ACOT11: variants seen among roughly 807,000 people sequenced by gnomAD.
ACOT11 encodes acyl-coenzyme A thioesterase 11.
A neutral mutation model predicts 77.5 loss-of-function variants in ACOT11; 69 were observed. The observed-to-expected ratio is 0.89, with a 90% CI of 0.73 to 1.09. The LOEUF is 1.09. Ranked by LOEUF, ACOT11 falls within the 50% of genes least tolerant of loss-of-function variation. ACOT11 has a pLI of 0.00. For synonymous variants in ACOT11, 279 were observed against 313.0 expected, an observed-to-expected ratio of 0.89 and a Z score of 1.15; for missense variants, 766 against 813.7, an observed-to-expected ratio of 0.94 and a Z score of 0.71.
chr1:54,636,475 A>G (rs1644331105), exon 17 of ACOT11: 1 of 152,268 alleles, frequency 6.6e-6, no homozygotes, highest in Non-Finnish European at 1.5e-5. Flanking sequence ...CCCGCATGTC[A>G]TACCTACAGC....
chr1:54,601,556 G>A (rs1569753719), intron 9 of ACOT11, 143 bp downstream of exon 9: 1 of 1,300,570 alleles, frequency 7.7e-7, no homozygotes, highest in Middle Eastern at 2.7e-4. Context: ...AGCCAGCTGA[G>A]TGTCCTGGCT....
intron 6 of ACOT11, among the ~76,000 whole-genome samples, chr1:54,595,373 A>G (rs145354531): frequency 1.1e-4 from 17 of 152,280 alleles, no homozygotes; most frequent in Middle Eastern, 3.4e-3. Flanking sequence ...TATATAGCAT[A>G]TATAAAACAT....
downstream of ACOT11, among the ~76,000 whole-genome samples, chr1:54,611,956 G>A (rs1198999578): frequency 6.6e-6 from 1 of 152,126 alleles, no homozygotes; most frequent in African/African-American, 2.4e-5. Context: ...AGGCCCAGGA[G>A]GGAGGGGGAG....
intron 1 of ACOT11, among the ~76,000 whole-genome samples, chr1:54,551,141 A>G (rs530401034): frequency 1.5e-3 from 230 of 151,620 alleles, no homozygotes; most frequent in Non-Finnish European, 2.8e-3. Context: ...AAAAAAAAAA[A>G]AAAAAAAAGA....
At chr1:54,630,602 T>C (rs1644294002) in intron 15 of ACOT11, 1 of 514,164 alleles carries the variant, frequency 1.9e-6, no homozygotes, top group African/African-American at 2.0e-5. Flanking sequence ...GAAACAATGC[T>C]AATGACTGGT....
chr1:54,612,787 C>A (rs1158370099), downstream of ACOT11: 45 of 1,077,796 alleles, frequency 4.2e-5, no homozygotes, highest in Admixed American at 1.1e-4. Context: ...CATCACAGTG[C>A]TAGGGAGTGG....
intron 3 of ACOT11, 128 bp downstream of exon 3, chr1:54,586,032 G>A: frequency 1.0e-6 from 1 of 962,960 alleles, no homozygotes; most frequent in South Asian, 1.6e-5. Flanking sequence ...TGAAAATGAG[G>A]TGGGGGCAGC....
intron 1 of ACOT11, among the ~76,000 whole-genome samples, chr1:54,562,511 T>C (rs1423594002): frequency 1.4e-5 from 1 of 71,718 alleles, no homozygotes; most frequent in African/African-American, 7.1e-5. Flanking sequence ...CCCACCTCCC[T>C]CCCGGATGGG....
chr1:54,595,028 C>CAT (rs886928289), intron 6 of ACOT11, among the ~76,000 whole-genome samples: 5 of 152,228 alleles, frequency 3.3e-5, no homozygotes, highest in Non-Finnish European at 4.4e-5. Flanking sequence ...TTTTAAAAAG[C>CAT]ATATATATAT....
chr1:54,623,639 C>A, intron 15 of ACOT11: 2 of 462,380 alleles, frequency 4.3e-6, no homozygotes, highest in East Asian at 3.5e-5. Flanking sequence ...AGAATATCTA[C>A]CATATCTAAA....
At chr1:54,612,698 C>G, downstream of ACOT11, 1 of 1,613,570 alleles carries the variant, frequency 6.2e-7, no homozygotes, top group Non-Finnish European at 8.5e-7. Flanking sequence ...TCTCCTGGAC[C>G]AGGGCCAGGA....
chr1:54,609,965 AGT>A lies in ACOT11; in HGVS notation c.*856_*857del. On this transcript the variant is annotated 3_prime_UTR_variant, in exon 16 of 16. Transcript: ENST00000343744. ...GTCTGGAAGAGGCGGCAGAGGCAAC[AGT>A]GTTTAGGATTTGGGTTATCATAAGG... 1 of 1,589,450 alleles carries A rather than the reference AGT, an allele frequency of 6.3e-7. No homozygotes were observed. Among genetic ancestry groups the A allele is most frequent in the South Asian group, 1.1e-5 (1 of 88,898 alleles).
intron 13 of ACOT11, 132 bp downstream of exon 13, chr1:54,605,341 TG>T (rs1644012323): frequency 2.4e-6 from 3 of 1,238,682 alleles, no homozygotes; most frequent in Non-Finnish European, 3.2e-6. Context: ...AGTTCCATGC[TG>T]GGTGGGGGTT....
chr1:54,626,358 G>A (rs551885693), intron 15 of ACOT11, among the ~76,000 whole-genome samples: 11 of 152,290 alleles, frequency 7.2e-5, no homozygotes, highest in Admixed American at 3.9e-4. Context: ...TATACAATGT[G>A]ACTCCAGGGT....
In ACOT11 at chr1:54,604,387, T is replaced by C; in HGVS notation, c.1194T>C (p.Leu398=). The C allele has an allele frequency of 6.2e-7, 1 of 1,614,046 alleles. No individual in the cohort carries two copies. The highest frequency in any genetic ancestry group is 8.5e-7 in the Non-Finnish European group (1 of 1,180,008). The change falls in exon 12 of 16, where the codon CTT becomes CTC. Residue 398 remains leucine, a synonymous_variant. Transcript: ENST00000343744. Reference sequence around the variant, plus strand: ...ATAACGTCTCCTCCTTGAAGATGCTTGTGGCCAAGGACAACTGGGTGCTGT... The same window carrying C: ...ATAACGTCTCCTCCTTGAAGATGCTCGTGGCCAAGGACAACTGGGTGCTGT... ...SYNNVSSLKM[L]VAKDNWVLSS...
At position 54,607,027 on chromosome 1, in the gene ACOT11, T is replaced by C. The variant is rs17110800; in HGVS notation, c.1371-107T>C. On this transcript the variant is annotated intron_variant, in intron 13 of 15. Coordinates refer to ENST00000343744, the MANE Select transcript of ACOT11 (RefSeq NM_147161.4). This position sits in a 1 kb window ranked among gnomAD's most constrained non-coding sequence, Gnocchi z 4.5. ...GAGCAGTACAGGGGGTGACATCCCA[T>C]CACAGAAGCTGCTCAGGCACTGCAG... 0.023 allele frequency: 33,531 copies of C among 1,490,128 alleles called. 578 individuals carry two copies. Among genetic ancestry groups the C allele is most frequent in the African/African-American group, 0.076 (5,526 of 72,818 alleles). 92.3% of individuals were successfully genotyped at this position (1,490,128 alleles called of 1,614,324 possible).
chr1:54,601,010 G>T (rs1252831010), intron 8 of ACOT11, among the ~76,000 whole-genome samples: 1 of 152,150 alleles, frequency 6.6e-6, no homozygotes, highest in Admixed American at 6.5e-5. Flanking sequence ...TGGAGGGAGC[G>T]GTCCCAGGTG....
intron 15 of ACOT11, among the ~76,000 whole-genome samples, chr1:54,624,650 A>G (rs1050796080): frequency 7.2e-5 from 11 of 152,128 alleles, no homozygotes; most frequent in East Asian, 1.9e-4. Context: ...AGGGGTGTCA[A>G]TGGGAAGGTC....
chr1:54,581,210 G>A (rs1426994976), intron 1 of ACOT11, among the ~76,000 whole-genome samples: 1 of 152,214 alleles, frequency 6.6e-6, no homozygotes, highest in Non-Finnish European at 1.5e-5. Flanking sequence ...CTCTGGTGCT[G>A]TGTGGAGGCT....
Sources: allele counts gnomAD v4.1 joint callset (sites outside exome capture counted in the v4.1 genomes callset), GRCh38; gene constraint gnomAD v4.1.1; non-coding constraint Gnocchi (gnomAD v3.1); transcripts MANE v1.5; gene names NCBI Gene and HGNC (gene_info 2026-07-23, HGNC 2026-07-21).